WWOX: variants seen among roughly 807,000 people sequenced by gnomAD.
WWOX encodes the protein WW domain containing oxidoreductase.
In WWOX, 69 loss-of-function variants were observed where a neutral mutation model predicts 46.2. The ratio of observed to expected loss-of-function variants is 1.49; its 90% CI spans 1.23 to 1.82. The LOEUF is 1.82. Among genes scored for constraint, WWOX ranks in the 40% most tolerant of loss-of-function variants. WWOX has a pLI of 0.00. For synonymous variants in WWOX, 359 were observed against 202.6 expected (o/e 1.77, Z -6.56); for missense variants, 919 against 542.6 (o/e 1.69, Z -6.89).
chr16:78,431,181 C>T (rs781264378), intron 7 of WWOX, among the ~76,000 whole-genome samples: 5 of 152,210 alleles, frequency 3.3e-5, no homozygotes, highest in Non-Finnish European at 4.4e-5. Context: ...TGGTGTTTAA[C>T]GACTCCGTCA....
intron 8 of WWOX, among the ~76,000 whole-genome samples, chr16:79,061,351 G>A (rs1597337194): frequency 2.0e-5 from 3 of 152,056 alleles, no homozygotes; most frequent in South Asian, 4.2e-4. Context: ...GATTACTCCC[G>A]TCTAAGGGCT....
At chr16:78,650,852 A>G (rs2046951128) in intron 8 of WWOX, among the ~76,000 whole-genome samples, 2 of 152,198 alleles carry the variant, frequency 1.3e-5, no homozygotes. Context: ...ATGTAGACAG[A>G]ATATTTCGGA....
At chr16:78,873,292 A>G (rs1597090279) in intron 8 of WWOX, 1 of 152,228 alleles carries the variant, frequency 6.6e-6, no homozygotes, top group Non-Finnish European at 1.5e-5. Flanking sequence ...ACCAACGTGT[A>G]GCTCCTAATT....
chr16:79,073,719 C>A (rs566641212), intron 8 of WWOX, among the ~76,000 whole-genome samples: 18 of 152,192 alleles, frequency 1.2e-4, no homozygotes, highest in African/African-American at 4.3e-4. Context: ...TGATGAAGTT[C>A]TAGTAAATGG....
chr16:78,106,429 T>G (rs551889856), intron 1 of WWOX, among the ~76,000 whole-genome samples: 18 of 144,832 alleles, frequency 1.2e-4, no homozygotes, highest in African/African-American at 4.0e-4. Flanking sequence ...TTGTTTTTTT[T>G]TTTTTTTTTT....
intron 8 of WWOX, among the ~76,000 whole-genome samples, chr16:78,518,666 G>C (rs1008330136): frequency 6.6e-6 from 1 of 152,084 alleles, no homozygotes; most frequent in Non-Finnish European, 1.5e-5. Flanking sequence ...ACTTTTTATT[G>C]AATGCCGATT....
intron 8 of WWOX, among the ~76,000 whole-genome samples, chr16:78,798,063 C>T (rs1199297007): frequency 6.6e-6 from 1 of 152,170 alleles, no homozygotes; most frequent in Non-Finnish European, 1.5e-5. Flanking sequence ...CAGTCTTCTC[C>T]TTTTGTTTCT....
Position 79,211,810 on chromosome 16 carries a change from C to A in WWOX, c.*14C>A, listed in dbSNP as rs375034238. On this transcript the variant is annotated 3_prime_UTR_variant, in exon 9 of 9. Transcript: ENST00000566780. ...CAGTCCGGCTAAGTGGAGCTCAGAG[C>A]GGATGGGCACACACACCCGCCCTGT... The A allele has an allele frequency of 3.1e-6, 5 of 1,613,778 alleles. No individual in the cohort carries two copies. The highest frequency in any genetic ancestry group is 2.2e-5 in the East Asian group (1 of 44,884).
At chr16:79,170,563 T>C (rs956282362) in intron 8 of WWOX, among the ~76,000 whole-genome samples, 5 of 152,158 alleles carry the variant, frequency 3.3e-5, no homozygotes, top group African/African-American at 1.2e-4. Context: ...AAATTACTTC[T>C]CTAGGAGCAA....
intron 5 of WWOX, among the ~76,000 whole-genome samples, chr16:78,244,707 C>G (rs1230796744): frequency 6.6e-6 from 1 of 152,200 alleles, no homozygotes; most frequent in Non-Finnish European, 1.5e-5. Context: ...AGCCTTCGAG[C>G]AGTAGCAACA....
intron 5 of WWOX, among the ~76,000 whole-genome samples, chr16:78,332,006 G>C (rs1446920021): frequency 6.6e-6 from 1 of 152,166 alleles, no homozygotes; most frequent in Non-Finnish European, 1.5e-5. Context: ...AGCCGAGGAA[G>C]GTCAAGTTTG....
At chr16:78,981,936 A>C (rs1434531104) in intron 8 of WWOX, 1 of 152,088 alleles carries the variant, frequency 6.6e-6, no homozygotes, top group African/African-American at 2.4e-5. Flanking sequence ...GGATGCTACA[A>C]CTGTATGTCC....
chr16:78,153,740 G>A (rs1360506619), intron 4 of WWOX, among the ~76,000 whole-genome samples: 2 of 152,124 alleles, frequency 1.3e-5, no homozygotes. Flanking sequence ...GGTATTGTAA[G>A]CCCCAACTCC....
At chr16:78,952,449 C>G (rs920744702) in intron 8 of WWOX, among the ~76,000 whole-genome samples, 5 of 150,456 alleles carry the variant, frequency 3.3e-5, no homozygotes, top group East Asian at 2.0e-4. Flanking sequence ...GTGGCACGAT[C>G]TTAGCTCACT....
chr16:78,248,712 T>G (rs1339770594), intron 5 of WWOX, among the ~76,000 whole-genome samples: 1 of 152,000 alleles, frequency 6.6e-6, no homozygotes, highest in Non-Finnish European at 1.5e-5. Flanking sequence ...CTCCAGCCTG[T>G]GTAACAGAGC....
chr16:78,253,088 A>T (rs2038029232), intron 5 of WWOX, among the ~76,000 whole-genome samples: 1 of 152,182 alleles, frequency 6.6e-6, no homozygotes, highest in Non-Finnish European at 1.5e-5. Flanking sequence ...CTGTTTTGCA[A>T]GAAAGTAAAG....
chr16:79,172,581 A>T (rs1449161365), intron 8 of WWOX, among the ~76,000 whole-genome samples: 1 of 152,152 alleles, frequency 6.6e-6, no homozygotes, highest in African/African-American at 2.4e-5. Context: ...GAACCTGTGG[A>T]GCCTCTTTAG....
intron 8 of WWOX, among the ~76,000 whole-genome samples, chr16:78,886,260 T>C (rs16948747): frequency 6.6e-6 from 1 of 151,582 alleles, no homozygotes; most frequent in African/African-American, 2.4e-5. Flanking sequence ...CCATACCCAT[T>C]GTACACATTT....
chr16:79,102,578 C>G (rs556934226), intron 8 of WWOX, among the ~76,000 whole-genome samples: 6 of 152,268 alleles, frequency 3.9e-5, no homozygotes, highest in African/African-American at 1.2e-4. Context: ...CAATATATAG[C>G]AAACGGGTAG....
Sources: allele counts gnomAD v4.1 joint callset (sites outside exome capture counted in the v4.1 genomes callset), GRCh38; gene constraint gnomAD v4.1.1; transcripts MANE v1.5; gene names NCBI Gene and HGNC (gene_info 2026-07-23, HGNC 2026-07-21).